ATG13: variants seen among roughly 807,000 people sequenced by gnomAD.
ATG13 encodes the protein autophagy-related protein 13.
ATG13 carries 23 observed loss-of-function variants against 65.5 expected under a neutral mutation model. The ratio of observed to expected loss-of-function variants is 0.35; its 90% CI spans 0.25 to 0.50. ATG13 has a LOEUF of 0.50. Ranked by LOEUF, ATG13 falls within the 20% of genes least tolerant of loss-of-function variation. The pLI, the probability that ATG13 is intolerant of heterozygous loss-of-function variation, is 0.98. For missense variants in ATG13, 566 were observed against 677.0 expected, an observed-to-expected ratio of 0.84 and a Z score of 1.82; for synonymous variants, 252 against 245.2, an observed-to-expected ratio of 1.03 and a Z score of -0.26.
At chr11:46,654,816 A>G (rs1248956038) in intron 7 of ATG13, among the ~76,000 whole-genome samples, 2 of 149,754 alleles carry the variant, frequency 1.3e-5, no homozygotes, top group Non-Finnish European at 3.0e-5. Context: ...CCCGAAAAAC[A>G]GGCCAGGCAT....
rs2045780309 is a variant in ATG13 at position 46,617,860 on chromosome 11, C to A, written c.-100C>A. On this transcript the variant is annotated 5_prime_UTR_variant, in exon 1 of 19. Coordinates refer to ENST00000683050, the MANE Select transcript of ATG13 (RefSeq NM_001346311.2). ...GGTCCCGGCCTCCGTAATGAGAGCC[C>A]GGAACCACTCTTTGTGCCGCAGCTT... is the stretch of plus-strand genomic sequence containing the variant. 3 of 399,042 alleles carry A rather than the reference C, an allele frequency of 7.5e-6. No homozygotes were observed. The highest frequency in any genetic ancestry group is 2.1e-5 in the African/African-American group (1 of 48,638). 24.7% of individuals were successfully genotyped at this position (399,042 alleles called of 1,614,324 possible). A position where few individuals can be genotyped will look rare whatever the true frequency, so the allele number is the denominator to read the frequency against.
chr11:46,649,981 A>AT (rs1419418439), intron 6 of ATG13, among the ~76,000 whole-genome samples, 196 bp from the exon 7 acceptor site: 1 of 152,164 alleles, frequency 6.6e-6, no homozygotes, highest in Non-Finnish European at 1.5e-5. Context: ...GAAAAAATAT[A>AT]TTGGGTGCCT....
intron 2 of ATG13, among the ~76,000 whole-genome samples, chr11:46,637,929 G>A (rs958096847): frequency 6.6e-6 from 1 of 152,142 alleles, no homozygotes; most frequent in African/African-American, 2.4e-5. Flanking sequence ...GTTGGAGGAC[G>A]TGGGGACCAA....
intron 11 of ATG13, among the ~76,000 whole-genome samples, chr11:46,660,452 C>T (rs1377589122): frequency 2.3e-4 from 34 of 150,474 alleles, no homozygotes; most frequent in African/African-American, 8.3e-4. Context: ...CTCTGTCACC[C>T]AGGCTGGAAT....
chr11:46,662,256 T>C (rs139647050), intron 11 of ATG13, among the ~76,000 whole-genome samples: 225 of 152,364 alleles, frequency 1.5e-3, no homozygotes, highest in African/African-American at 5.1e-3. Context: ...TCCCAGCTGT[T>C]CTAAAAGATA....
intron 14 of ATG13, 70 bp downstream of exon 14, chr11:46,665,589 TA>T: frequency 1.3e-6 from 2 of 1,553,692 alleles, no homozygotes; most frequent in Non-Finnish European, 1.8e-6. Flanking sequence ...CACACGTGCT[TA>T]TTTAGAATTA....
At chr11:46,667,669 A>C in intron 14 of ATG13, 104 bp from the exon 15 acceptor site, 1 of 796,880 alleles carries the variant, frequency 1.3e-6, no homozygotes, top group Non-Finnish European at 2.0e-6. Context: ...GTGGGGACCA[A>C]CTCCTGCCCT....
chr11:46,637,175 C>G (rs2054268053), intron 2 of ATG13, among the ~76,000 whole-genome samples: 2 of 152,276 alleles, frequency 1.3e-5, no homozygotes, highest in Non-Finnish European at 1.5e-5. Context: ...TTTTACCATA[C>G]ATAAGTGTGT....
chr11:46,622,482 A>C (rs1565401019), intron 1 of ATG13, among the ~76,000 whole-genome samples: 1 of 152,208 alleles, frequency 6.6e-6, no homozygotes, highest in African/African-American at 2.4e-5. Flanking sequence ...ATAAACAAGA[A>C]ACTGATTCAC....
rs2061964878 is a variant in ATG13, at chr11:46,664,871, A to G, written c.911A>G (p.Tyr304Cys). Residue 304 changes from tyrosine (Y) to cysteine (C), a missense_variant, in exon 13 of 19, where the codon TAT becomes TGT. By Grantham distance (194) the Tyr-to-Cys change is radical. Around this residue, in one of 2 missense-constraint regions of ATG13, gnomAD observed 387 missense variants for 409.8 expected, o/e 0.94. Transcript: ENST00000683050. ...TAGCTCTCAAGCTCTCGCCTTTCCT[A>G]TCAGCCTGCTGCCCTGGGCGTTGGA... ...SHQLSSSRLSYQPAALGVGSA... is the reference protein window; with the variant it reads ...SHQLSSSRLSCQPAALGVGSA... The G allele has an allele frequency of 6.2e-7, 1 of 1,613,682 alleles. No homozygotes were observed. Among genetic ancestry groups the G allele is most frequent in the Non-Finnish European group, 8.5e-7 (1 of 1,179,804 alleles).
At chr11:46,661,729 G>A (rs906415742) in intron 11 of ATG13, among the ~76,000 whole-genome samples, 3 of 151,720 alleles carry the variant, frequency 2.0e-5, no homozygotes, top group Non-Finnish European at 4.4e-5. Flanking sequence ...TGCTTGGAAG[G>A]CTGATCTGGG....
At chr11:46,659,315 T>G (rs2060665974) in intron 10 of ATG13, 77 bp from the exon 11 acceptor site, 2 of 1,189,502 alleles carry the variant, frequency 1.7e-6, no homozygotes, top group Middle Eastern at 2.6e-4. Context: ...CCCATCTCTA[T>G]CTAATCACCT....
chr11:46,633,024 A>ATTTTTTT (rs1459397049), intron 2 of ATG13, among the ~76,000 whole-genome samples: 26 of 99,870 alleles, frequency 2.6e-4, no homozygotes, highest in African/African-American at 1.7e-3. Flanking sequence ...ATATATATAT[A>ATTTTTTT]TATTTTTTTT....
chr11:46,622,385 G>A (rs1389994124), intron 1 of ATG13, among the ~76,000 whole-genome samples: 1 of 151,710 alleles, frequency 6.6e-6, no homozygotes, highest in East Asian at 1.9e-4. Flanking sequence ...CCAAAGTGCT[G>A]GGATTACAGG....
intron 14 of ATG13, among the ~76,000 whole-genome samples, chr11:46,666,151 T>C (rs557971230): frequency 1.3e-5 from 2 of 152,264 alleles, no homozygotes; most frequent in African/African-American, 2.4e-5. Context: ...TGTAGACTCC[T>C]TGAAGTTCCC....
At chr11:46,667,305 C>G (rs1357828079) in intron 14 of ATG13, among the ~76,000 whole-genome samples, 1 of 152,182 alleles carries the variant, frequency 6.6e-6, no homozygotes, top group Non-Finnish European at 1.5e-5. Context: ...CCCACTGCTG[C>G]TGCTTAGGGC....
rs574723185 is a variant in ATG13, at chr11:46,647,177, C to T, written c.270+1188C>T. On this transcript the variant is annotated intron_variant, in intron 5 of 18. Transcript: ENST00000683050. ...CCCCTTTTAATGGGAGATATAACTG[C>T]AGTCTTAACTTAGACTTCATATGCT... is the stretch of plus-strand genomic sequence containing the variant. 9.9e-5 allele frequency among the ~76,000 whole-genome samples: 15 copies of T among 152,228 alleles called. 1 individual carries two copies. In the South Asian group the frequency reaches 3.1e-3, roughly 32 times the overall value.
intron 18 of ATG13, among the ~76,000 whole-genome samples, chr11:46,671,632 A>G (rs2063750949): frequency 6.6e-6 from 1 of 152,170 alleles, no homozygotes; most frequent in South Asian, 2.1e-4. Context: ...TACTCAAGCT[A>G]CTCAGGAGGC....
At chr11:46,633,789 T>TGTAGTGGA (rs1376010500) in intron 2 of ATG13, among the ~76,000 whole-genome samples, 1 of 152,152 alleles carries the variant, frequency 6.6e-6, no homozygotes, top group Admixed American at 6.6e-5. Context: ...CCAGCCTGGG[T>TGTAGTGGA]AACGGTGTGA....
Sources: gnomAD v4.1 joint callset for allele counts (sites outside exome capture counted in the v4.1 genomes callset) on GRCh38, gnomAD v4.1.1 for gene constraint, gnomAD v4.1.1 regional missense constraint, MANE v1.5 for transcripts, NCBI Gene and HGNC (gene_info 2026-07-23, HGNC 2026-07-21) for gene names.